The following MGAT5 variants were observed in gnomAD, a reference collection of about 807,000 sequenced individuals.
MGAT5 encodes the protein alpha-1,6-mannosylglycoprotein 6-beta-N-acetylglucosaminyltransferase A.
In MGAT5, 30 loss-of-function variants were observed where a neutral mutation model predicts 94.3. The observed-to-expected ratio is 0.32, with a 90% CI of 0.24 to 0.43. MGAT5 has a LOEUF of 0.43. Among genes scored for constraint, MGAT5 ranks in the 20% least tolerant of loss-of-function variants. The probability of loss-of-function intolerance (pLI) is 1.00; values close to 1 mark genes in which losing one functional copy is unlikely to be tolerated. For missense variants in MGAT5, 691 were observed against 905.5 expected, an observed-to-expected ratio of 0.76 and a Z score of 3.04; for synonymous variants, 310 against 322.9, an observed-to-expected ratio of 0.96 and a Z score of 0.43.
chr2:134,195,929 C>A (rs906711343), intron 1 of MGAT5, among the ~76,000 whole-genome samples: 2 of 152,166 alleles, frequency 1.3e-5, no homozygotes, highest in African/African-American at 2.4e-5. Context: ...GGCTTGTGAT[C>A]TCCAGCAAGT....
chr2:134,247,701 C>A (rs908330263), intron 1 of MGAT5, among the ~76,000 whole-genome samples: 7 of 152,212 alleles, frequency 4.6e-5, no homozygotes, highest in Admixed American at 4.6e-4. Flanking sequence ...CTCACCCCTA[C>A]TCCTGTGGCT....
intron 12 of MGAT5, among the ~76,000 whole-genome samples, chr2:134,422,458 GAATAGATACTGGTTTGATCTAGT>G (rs1477634283): frequency 2.0e-5 from 3 of 152,138 alleles, no homozygotes; most frequent in Non-Finnish European, 2.9e-5. Context: ...TTAGCCAGGA[GAATAGATACTGGTTTGATCTAGT>G]AATAGGTGAT....
At chr2:134,440,895 A>G (rs1033346513) in intron 14 of MGAT5, among the ~76,000 whole-genome samples, 2 of 152,188 alleles carry the variant, frequency 1.3e-5, no homozygotes, top group African/African-American at 4.8e-5. Flanking sequence ...TCTTATTTGT[A>G]TTTATTCATC....
intron 10 of MGAT5, 46 bp downstream of exon 10, chr2:134,362,454 G>T: frequency 6.3e-7 from 1 of 1,596,842 alleles, no homozygotes; most frequent in South Asian, 1.1e-5. Context: ...GAAGCTTGTT[G>T]GGTAATTTAA....
intron 14 of MGAT5, among the ~76,000 whole-genome samples, chr2:134,434,055 TCTGA>T (rs1454794258): frequency 2.6e-5 from 4 of 152,326 alleles, no homozygotes; most frequent in African/African-American, 9.6e-5. Flanking sequence ...CTTAGCCCTC[TCTGA>T]CTGGCCCTTC....
chr2:134,120,156 C>CGCG (rs1388656654), upstream of MGAT5: 4 of 157,520 alleles, frequency 2.5e-5, no homozygotes, highest in Admixed American at 1.3e-4. Flanking sequence ...CTGCGGCTCC[C>CGCG]GCGGCGGCGG....
chr2:134,203,017 C>T (rs966445642), intron 1 of MGAT5, among the ~76,000 whole-genome samples: 2 of 152,176 alleles, frequency 1.3e-5, no homozygotes, highest in African/African-American at 2.4e-5. Flanking sequence ...GCAACATCTC[C>T]AAATACAGGA....
chr2:134,120,680 G>C (rs1301528664), intron 1 of MGAT5, among the ~76,000 whole-genome samples: 1 of 151,888 alleles, frequency 6.6e-6, no homozygotes, highest in Non-Finnish European at 1.5e-5. Context: ...ATGGGCGCTC[G>C]GACCGCGGAG....
At chr2:134,407,846 TGTGAAATC>T (rs59167135) in intron 11 of MGAT5, among the ~76,000 whole-genome samples, 12,247 of 152,244 alleles carry the variant, frequency 0.08, 646 homozygotes, top group South Asian at 0.17. Context: ...TTCTGTGACT[TGTGAAATC>T]AATGTAGTGA....
chr2:134,424,268 A>C (rs1684457816), intron 13 of MGAT5, among the ~76,000 whole-genome samples: 1 of 152,138 alleles, frequency 6.6e-6, no homozygotes, highest in African/African-American at 2.4e-5. Context: ...TGGGAAACAG[A>C]ACAGGATAAT....
intron 1 of MGAT5, among the ~76,000 whole-genome samples, chr2:134,149,589 G>A (rs1462486926): frequency 6.6e-6 from 1 of 152,164 alleles, no homozygotes; most frequent in Admixed American, 6.5e-5. Context: ...ACTTATACCA[G>A]GTTAATAAAC....
intron 10 of MGAT5, among the ~76,000 whole-genome samples, chr2:134,381,911 C>T (rs1311689981): frequency 6.6e-6 from 1 of 152,132 alleles, no homozygotes; most frequent in Non-Finnish European, 1.5e-5. Flanking sequence ...GGTAAAAATA[C>T]ATTTGAAATG....
At chr2:134,367,676 G>C (rs1452114035) in intron 10 of MGAT5, among the ~76,000 whole-genome samples, 1 of 152,180 alleles carries the variant, frequency 6.6e-6, no homozygotes, top group Non-Finnish European at 1.5e-5. Flanking sequence ...GGTCTTTCAG[G>C]GTTCTTGATT....
At chr2:134,217,216 T>G in intron 1 of MGAT5, among the ~76,000 whole-genome samples, 1 of 138,240 alleles carries the variant, frequency 7.2e-6, no homozygotes, top group Admixed American at 7.2e-5. Context: ...AAGGGATGAG[T>G]GGGGTCTGAG....
intron 1 of MGAT5, among the ~76,000 whole-genome samples, chr2:134,188,837 T>C (rs1307901136): frequency 6.6e-6 from 1 of 152,230 alleles, no homozygotes; most frequent in Non-Finnish European, 1.5e-5. Flanking sequence ...CCCTTTTGAC[T>C]GACTGGTTAC....
intron 1 of MGAT5, among the ~76,000 whole-genome samples, chr2:134,259,638 A>G (rs1683195195): frequency 6.6e-6 from 1 of 151,034 alleles, no homozygotes. Context: ...TTCCTCCTTG[A>G]CCTCCAGGTT....
intron 2 of MGAT5, among the ~76,000 whole-genome samples, chr2:134,274,883 AAT>A (rs1684262300): frequency 6.6e-6 from 1 of 152,234 alleles, no homozygotes; most frequent in African/African-American, 2.4e-5. Context: ...GTTGAAGTGC[AAT>A]GTATTTGAAT....
intron 4 of MGAT5, among the ~76,000 whole-genome samples, chr2:134,328,268 C>G (rs547265471): frequency 6.6e-6 from 1 of 152,186 alleles, no homozygotes; most frequent in South Asian, 2.1e-4. Context: ...ATGGATCCCT[C>G]TGGCCCTGTA....
At chr2:134,311,118 G>A (rs767421292) in intron 2 of MGAT5, among the ~76,000 whole-genome samples, 3 of 152,336 alleles carry the variant, frequency 2.0e-5, no homozygotes, top group African/African-American at 2.4e-5. Context: ...GCCCTTGCTC[G>A]TGAAGTTGAT....
Sources: allele counts gnomAD v4.1 joint callset (sites outside exome capture counted in the v4.1 genomes callset), GRCh38; gene constraint gnomAD v4.1.1; transcripts MANE v1.5; gene names NCBI Gene and HGNC (gene_info 2026-07-23, HGNC 2026-07-21).